Variants in NAALADL2 observed in about 807,000 individuals in gnomAD.
NAALADL2 encodes the protein N-acetylated alpha-linked acidic dipeptidase like 2, also known as inactive N-acetylated-alpha-linked acidic dipeptidase-like protein 2.
A neutral mutation model predicts 87.2 loss-of-function variants in NAALADL2; 76 were observed. The observed-to-expected ratio is 0.87, with a 90% confidence interval of 0.72 to 1.05. The LOEUF is 1.05. Ranked by LOEUF, NAALADL2 falls within the 50% of genes least tolerant of loss-of-function variation. NAALADL2 has a pLI of 0.00. For synonymous variants in NAALADL2, 354 were observed against 331.0 expected (o/e 1.07, Z -0.75); for missense variants, 1,089 against 945.8 (o/e 1.15, Z -1.99).
chr3:174,648,999 A>G (rs2121780), intron 2 of NAALADL2, among the ~76,000 whole-genome samples: 5,072 of 151,656 alleles, frequency 0.033, 227 homozygotes, highest in African/African-American at 0.1. Context: ...TTGGAATTTC[A>G]CTCTTATCGC....
chr3:175,661,626 A>G (rs1732269839), intron 11 of NAALADL2, among the ~76,000 whole-genome samples: 1 of 151,754 alleles, frequency 6.6e-6, no homozygotes, highest in Non-Finnish European at 1.5e-5. Flanking sequence ...ATAGTTTCAT[A>G]TCTTACGTTT....
At chr3:174,509,967 C>T (rs1235546416) in intron 1 of NAALADL2, among the ~76,000 whole-genome samples, 3 of 151,992 alleles carry the variant, frequency 2.0e-5, no homozygotes, top group Admixed American at 6.6e-5. Context: ...GTGTCAAATT[C>T]TCTGAAATGC....
At chr3:175,729,761 G>A (rs976681172) in intron 11 of NAALADL2, among the ~76,000 whole-genome samples, 1 of 142,216 alleles carries the variant, frequency 7.0e-6, no homozygotes, top group African/African-American at 2.7e-5. Context: ...ATTTAATTCA[G>A]CTGAAGGTTT....
chr3:174,785,477 C>A (rs148095468), intron 3 of NAALADL2, among the ~76,000 whole-genome samples: 27 of 152,212 alleles, frequency 1.8e-4, no homozygotes, highest in African/African-American at 6.3e-4. Flanking sequence ...TTTCTGGGTT[C>A]TCTATTCTAT....
At chr3:175,394,489 G>C (rs1345627572) in intron 5 of NAALADL2, among the ~76,000 whole-genome samples, 2 of 152,102 alleles carry the variant, frequency 1.3e-5, no homozygotes, top group Non-Finnish European at 2.9e-5. Context: ...CAAATATCAT[G>C]TGTCAATTTA....
intron 3 of NAALADL2, among the ~76,000 whole-genome samples, chr3:174,853,325 C>A (rs1221369866): frequency 1.4e-5 from 2 of 147,214 alleles, no homozygotes. Flanking sequence ...CTGCAGTGAG[C>A]CGAGATCATG....
intron 2 of NAALADL2, among the ~76,000 whole-genome samples, chr3:174,625,043 A>C (rs1429794984): frequency 1.8e-5 from 2 of 113,132 alleles, no homozygotes; most frequent in Non-Finnish European, 3.3e-5. Flanking sequence ...ATTTATTGCT[A>C]TCTCTCTCTC....
At chr3:174,942,974 G>A (rs972422290) in intron 1 of NAALADL2, among the ~76,000 whole-genome samples, 7 of 152,068 alleles carry the variant, frequency 4.6e-5, no homozygotes, top group Non-Finnish European at 1.0e-4. Context: ...ATTGGGTTTT[G>A]CTGTCCTCCT....
intron 1 of NAALADL2, among the ~76,000 whole-genome samples, chr3:174,938,377 C>T (rs1024970091): frequency 2.6e-5 from 4 of 152,096 alleles, no homozygotes; most frequent in Admixed American, 1.3e-4. Flanking sequence ...ATGGCTGCAT[C>T]GTATCGCATG....
chr3:175,218,097 T>C, intron 2 of NAALADL2: 1 of 443,184 alleles, frequency 2.3e-6, no homozygotes, highest in South Asian at 1.6e-5. Flanking sequence ...GCACACTGGA[T>C]GAATGGTGTG....
intron 4 of NAALADL2, among the ~76,000 whole-genome samples, chr3:175,314,696 A>ATATATATATATATATAGTTCTAAC (rs1758892526): frequency 1.1e-5 from 1 of 87,848 alleles, no homozygotes; most frequent in Non-Finnish European, 2.2e-5. Flanking sequence ...ATATATATAT[A>ATATATATATATATATAGTTCTAAC]TATATATATA....
intron 9 of NAALADL2, among the ~76,000 whole-genome samples, chr3:175,475,260 A>C (rs1442210096): frequency 6.6e-6 from 1 of 152,164 alleles, no homozygotes; most frequent in Non-Finnish European, 1.5e-5. Context: ...ATGTACAAAA[A>C]GATGTACAGG....
rs186020163 is a variant in NAALADL2 at position 175,185,690 on chromosome 3, A to C, written c.546-48241A>C. ...TGGCACTGGGAATGTCTTATTTCTT[A>C]AGCTAGTATTTTTTGTATAATTATT... is the stretch of plus-strand genomic sequence containing the variant. On this transcript the variant is annotated intron_variant, in intron 2 of 13. Coordinates refer to ENST00000454872, the MANE Select transcript of NAALADL2 (RefSeq NM_207015.3). Among the ~76,000 whole-genome samples, 12 of 151,298 alleles carry C rather than the reference A, an allele frequency of 7.9e-5. No homozygotes were observed. The East Asian group carries it at 2.3e-3, about 29-fold the overall frequency.
At chr3:175,145,794 T>C (rs1216285817) in intron 2 of NAALADL2, among the ~76,000 whole-genome samples, 1 of 152,140 alleles carries the variant, frequency 6.6e-6, no homozygotes. Context: ...ATAATTGAAC[T>C]ATTTAAAGTT....
chr3:175,280,274 T>C (rs1215622257), intron 4 of NAALADL2, among the ~76,000 whole-genome samples: 1 of 152,134 alleles, frequency 6.6e-6, no homozygotes, highest in Non-Finnish European at 1.5e-5. Context: ...ACACCTTTGA[T>C]TTAAATGTTT....
At chr3:174,891,327 A>G (rs1730846984) in intron 1 of NAALADL2, among the ~76,000 whole-genome samples, 2 of 152,072 alleles carry the variant, frequency 1.3e-5, no homozygotes, top group Non-Finnish European at 2.9e-5. Flanking sequence ...ACACAGAGAA[A>G]CACCTTATAC....
intron 4 of NAALADL2, among the ~76,000 whole-genome samples, chr3:175,277,891 T>A (rs1753803716): frequency 6.6e-6 from 1 of 152,202 alleles, no homozygotes; most frequent in Admixed American, 6.5e-5. Context: ...TACTGTTACT[T>A]TCTTAGACAA....
rs199785512 is a variant in NAALADL2, at chr3:175,140,707, A to G, written c.545+43416A>G. On this transcript the variant is annotated intron_variant, in intron 2 of 13. Coordinates refer to ENST00000454872, the MANE Select transcript of NAALADL2 (RefSeq NM_207015.3). ...GTGACATAACGGAGAATGTTGAGATAGACAGGGTCCTCGCTACAAAAGGGA... is the reference window on the plus strand; with the variant it reads ...GTGACATAACGGAGAATGTTGAGATGGACAGGGTCCTCGCTACAAAAGGGA... Among the ~76,000 whole-genome samples, 20 of 152,292 alleles carry G rather than the reference A, an allele frequency of 1.3e-4. No homozygotes were observed. The East Asian group carries it at 3.5e-3, about 26-fold the overall frequency.
intron 5 of NAALADL2, among the ~76,000 whole-genome samples, chr3:175,370,128 C>A (rs1005307149): frequency 2.0e-5 from 3 of 152,082 alleles, no homozygotes; most frequent in Non-Finnish European, 2.9e-5. Context: ...AATATCCAGT[C>A]ATAGTTCATC....
Sources: allele counts gnomAD v4.1 joint callset (sites outside exome capture counted in the v4.1 genomes callset), GRCh38; gene constraint gnomAD v4.1.1; transcripts MANE v1.5; gene names NCBI Gene and HGNC (gene_info 2026-07-23, HGNC 2026-07-21).